Variants in FAM168A observed in about 807,000 individuals in gnomAD.
FAM168A encodes family with sequence similarity 168 member A.
A neutral mutation model predicts 28.5 loss-of-function variants in FAM168A; 3 were observed. The observed-to-expected ratio is 0.11, with a 90% CI of 0.05 to 0.27. The LOEUF (loss-of-function observed/expected upper bound fraction) is 0.27, where lower values mean the gene tolerates loss of function less well. Ranked by LOEUF, FAM168A falls within the 10% of genes least tolerant of loss-of-function variation. The probability of loss-of-function intolerance (pLI) is 1.00; values close to 1 mark genes in which losing one functional copy is unlikely to be tolerated. For missense variants in FAM168A, 222 were observed against 311.5 expected (o/e 0.71, Z 2.16); for synonymous variants, 122 against 124.2 (o/e 0.98, Z 0.12).
chr11:73,593,886 A>T (rs943052557), intron 1 of FAM168A, among the ~76,000 whole-genome samples: 4 of 152,182 alleles, frequency 2.6e-5, no homozygotes, highest in Admixed American at 1.3e-4. Flanking sequence ...ACCCACATTT[A>T]ACCATAGCAT....
At chr11:73,542,997 A>G (rs58860545) in intron 1 of FAM168A, among the ~76,000 whole-genome samples, 4,445 of 152,198 alleles carry the variant, frequency 0.029, 231 homozygotes, top group African/African-American at 0.1. Flanking sequence ...TCTTCCCTCA[A>G]ATTATCAATA....
chr11:73,587,289 G>C (rs1565309878), intron 1 of FAM168A, among the ~76,000 whole-genome samples: 1 of 151,822 alleles, frequency 6.6e-6, no homozygotes, highest in Non-Finnish European at 1.5e-5. Context: ...TCAGGAGTTC[G>C]AGACCAGCCT....
chr11:73,506,412 A>G (rs1590821726), intron 1 of FAM168A, among the ~76,000 whole-genome samples: 1 of 152,140 alleles, frequency 6.6e-6, no homozygotes, highest in Admixed American at 6.5e-5. Flanking sequence ...AAAACCCTCC[A>G]TATCTCACCT....
chr11:73,407,602 G>A lies in FAM168A; in HGVS notation c.637C>T (p.His213Tyr), dbSNP rs747946952. ...TTPQHTAIGA[H>Y]PVSMPTYRAQ... ...CTATATGTTGGCATGGAGACAGGGT[G>A]TGCCCCAATCGCCGTGTGCTGGGGT... The change falls in exon 7 of 8, where the codon CAC becomes TAC. Residue 213 changes from histidine to tyrosine, a missense_variant. Around this residue, in one of 3 missense-constraint regions of FAM168A, gnomAD observed 64 missense variants for 94.6 expected, o/e 0.68. Transcript: ENST00000356467. 3.1e-6 allele frequency: 5 copies of A among 1,610,952 alleles called. No homozygotes were observed. In the African/African-American group the frequency reaches 5.4e-5, roughly 17 times the overall value.
At chr11:73,503,885 C>CA (rs1356775415) in intron 1 of FAM168A, among the ~76,000 whole-genome samples, 1 of 152,136 alleles carries the variant, frequency 6.6e-6, no homozygotes, top group Non-Finnish European at 1.5e-5. Flanking sequence ...ACAAAGTTAA[C>CA]AAAAACAAGC....
chr11:73,568,207 G>A (rs1266437013), intron 1 of FAM168A, among the ~76,000 whole-genome samples: 1 of 152,124 alleles, frequency 6.6e-6, no homozygotes, highest in African/African-American at 2.4e-5. Context: ...AACAAAGCAG[G>A]CCCAGGACTG....
intron 1 of FAM168A, among the ~76,000 whole-genome samples, chr11:73,512,278 G>C (rs938304754): frequency 6.6e-6 from 1 of 152,036 alleles, no homozygotes; most frequent in Non-Finnish European, 1.5e-5. Context: ...TGATGAGTAG[G>C]TATTATTATA....
At chr11:73,416,557 G>T (rs1423887855) in intron 4 of FAM168A, among the ~76,000 whole-genome samples, 1 of 152,190 alleles carries the variant, frequency 6.6e-6, no homozygotes, top group Non-Finnish European at 1.5e-5. Flanking sequence ...TTGTCAAAGT[G>T]CCCTGAATTT....
At chr11:73,580,401 A>T (rs1041101929) in intron 1 of FAM168A, 1 of 619,262 alleles carries the variant, frequency 1.6e-6, no homozygotes. Flanking sequence ...AAGGGAGAGA[A>T]GGTACCCAAA....
intron 2 of FAM168A, among the ~76,000 whole-genome samples, chr11:73,434,376 A>G (rs937410023): frequency 1.3e-5 from 2 of 152,110 alleles, no homozygotes; most frequent in African/African-American, 2.4e-5. Flanking sequence ...GAAGTGCCAA[A>G]GTGTCGAGGG....
At chr11:73,445,095 A>G (rs527523712) in intron 2 of FAM168A, among the ~76,000 whole-genome samples, 2 of 152,250 alleles carry the variant, frequency 1.3e-5, no homozygotes, top group East Asian at 3.9e-4. Context: ...CCCTGTCTCT[A>G]CTAAAAGTAC....
chr11:73,571,553 T>G (rs954122712), intron 1 of FAM168A, among the ~76,000 whole-genome samples: 3 of 152,150 alleles, frequency 2.0e-5, no homozygotes, highest in Middle Eastern at 3.4e-3. Context: ...CAGTGCTCAA[T>G]GGTGCCCAGG....
At chr11:73,412,524 AG>A in intron 4 of FAM168A, among the ~76,000 whole-genome samples, 1 of 152,252 alleles carries the variant, frequency 6.6e-6, no homozygotes. Context: ...TGAGTCATTC[AG>A]GAACAACACT....
At chr11:73,432,204 T>C (rs1214259140) in intron 2 of FAM168A, among the ~76,000 whole-genome samples, 1 of 152,252 alleles carries the variant, frequency 6.6e-6, no homozygotes, top group Non-Finnish European at 1.5e-5. Context: ...TTTCTACCTT[T>C]TGGCTATTGT....
intron 1 of FAM168A, among the ~76,000 whole-genome samples, chr11:73,532,656 C>G (rs2134665984): frequency 6.6e-6 from 1 of 152,324 alleles, no homozygotes; most frequent in East Asian, 1.9e-4. Context: ...ACTGAGAATT[C>G]CAATCAGCTG....
chr11:73,594,946 T>A (rs945245264), intron 1 of FAM168A, among the ~76,000 whole-genome samples: 1 of 152,248 alleles, frequency 6.6e-6, no homozygotes. Flanking sequence ...CAAAGGCTTC[T>A]GTCTATCAAT....
intron 1 of FAM168A, among the ~76,000 whole-genome samples, chr11:73,502,177 C>CA (rs1268647130): frequency 7.0e-6 from 1 of 142,304 alleles, no homozygotes; most frequent in African/African-American, 2.6e-5. Flanking sequence ...GCTAGAGACA[C>CA]AAAAAACCCT....
chr11:73,555,019 A>G (rs1389477739), intron 1 of FAM168A, among the ~76,000 whole-genome samples: 1 of 152,220 alleles, frequency 6.6e-6, no homozygotes, highest in Non-Finnish European at 1.5e-5. Context: ...AGAGAAGGTC[A>G]AGGTAGCCTT....
rs935392054 is a variant in FAM168A at position 73,491,739 on chromosome 11, T to C, written c.-18-23247A>G. On this transcript the variant is annotated intron_variant, in intron 1 of 7. Coordinates refer to ENST00000356467, the MANE Select transcript of FAM168A (RefSeq NM_015159.3). ...AACCCAGCTATAGTCTAAGATGTCA[T>C]AGAAAGAATCTTCACAAAGCAAGCC... 2.6e-5 allele frequency among the ~76,000 whole-genome samples: 4 copies of C among 152,188 alleles called. No homozygotes were observed. The East Asian group carries it at 5.8e-4, about 22-fold the overall frequency.
Sources: gnomAD v4.1 joint callset for allele counts (sites outside exome capture counted in the v4.1 genomes callset) on GRCh38, gnomAD v4.1.1 for gene constraint, gnomAD v4.1.1 regional missense constraint, MANE v1.5 for transcripts, NCBI Gene and HGNC (gene_info 2026-07-23, HGNC 2026-07-21) for gene names.